RPRD2: variants seen among roughly 807,000 people sequenced by gnomAD.
RPRD2 encodes the protein regulation of nuclear pre-mRNA domain containing 2.
RPRD2 carries 12 observed loss-of-function variants against 104.4 expected under a neutral mutation model. The observed-to-expected ratio is 0.11, with a 90% CI of 0.07 to 0.19. RPRD2 has a LOEUF of 0.19. Ranked by LOEUF, RPRD2 falls within the 10% of genes least tolerant of loss-of-function variation. The pLI, the probability that RPRD2 is intolerant of heterozygous loss-of-function variation, is 1.00. For missense variants in RPRD2, 1,543 were observed against 1,790.1 expected (o/e 0.86, Z 2.49); for synonymous variants, 714 against 684.9 (o/e 1.04, Z -0.66).
intron 1 of RPRD2, among the ~76,000 whole-genome samples, chr1:150,394,254 TAGTC>T (rs1294293159): frequency 2.8e-4 from 42 of 152,216 alleles, no homozygotes; most frequent in African/African-American, 1.0e-3. Context: ...TTCTTCATGT[TAGTC>T]AGGCTGTTCT....
chr1:150,454,272 C>T (rs1321841096), intron 7 of RPRD2, among the ~76,000 whole-genome samples: 1 of 152,158 alleles, frequency 6.6e-6, no homozygotes, highest in Non-Finnish European at 1.5e-5. Context: ...TAGTGGCCCT[C>T]TCTTGTCCTT....
At chr1:150,384,233 C>A (rs1461508511) in intron 1 of RPRD2, among the ~76,000 whole-genome samples, 1 of 151,894 alleles carries the variant, frequency 6.6e-6, no homozygotes, top group Non-Finnish European at 1.5e-5. Context: ...TGGGAAAATC[C>A]TAGTTGCAGA....
intron 2 of RPRD2, among the ~76,000 whole-genome samples, chr1:150,422,292 C>G (rs1020942155): frequency 7.0e-6 from 1 of 143,596 alleles, no homozygotes; most frequent in Admixed American, 7.1e-5. Context: ...TGCAGTGAGC[C>G]GAGATCATGC....
Position 150,390,708 on chromosome 1 carries a change from A to G in RPRD2, c.205+25789A>G, listed in dbSNP as rs1399370602. Among the ~76,000 whole-genome samples the G allele has an allele frequency of 2.6e-5, 4 of 152,202 alleles. No homozygotes were observed. The East Asian group carries it at 7.7e-4, about 29-fold the overall frequency. On this transcript the variant is annotated intron_variant, in intron 1 of 10. Transcript: ENST00000369068. ...CAGATAAGACCATTGGCAAAGGGAGAATTCATGAACTGAAAGATCTGAAGT... is the reference window on the plus strand; with the variant it reads ...CAGATAAGACCATTGGCAAAGGGAGGATTCATGAACTGAAAGATCTGAAGT...
At chr1:150,392,555 A>G (rs1553883375) in intron 1 of RPRD2, among the ~76,000 whole-genome samples, 1 of 152,188 alleles carries the variant, frequency 6.6e-6, no homozygotes, top group Non-Finnish European at 1.5e-5. Flanking sequence ...AAGGGGGAGA[A>G]CAATTTAAAA....
intron 1 of RPRD2, among the ~76,000 whole-genome samples, chr1:150,396,002 C>A (rs587602973): frequency 3.3e-5 from 5 of 152,212 alleles, no homozygotes; most frequent in Admixed American, 6.5e-5. Context: ...ATGCCAACTT[C>A]TATTAATTTT....
chr1:150,444,491 G>C, intron 6 of RPRD2, 114 bp downstream of exon 6: 1 of 1,003,972 alleles, frequency 1.0e-6, no homozygotes, highest in Non-Finnish European at 1.4e-6. Context: ...AGCAGTTGTG[G>C]CACCTCTGGT....
At chr1:150,428,817 A>T (rs1553891023) in intron 2 of RPRD2, among the ~76,000 whole-genome samples, 1 of 152,116 alleles carries the variant, frequency 6.6e-6, no homozygotes, top group African/African-American at 2.4e-5. Context: ...TGACATCTGG[A>T]CACCTCCTCT....
chr1:150,467,888 C>T (rs1332050108), intron 10 of RPRD2, among the ~76,000 whole-genome samples: 2 of 151,266 alleles, frequency 1.3e-5, no homozygotes, highest in Non-Finnish European at 2.9e-5. Context: ...ACTTCAGGCC[C>T]GGTGTGGTGG....
intron 1 of RPRD2, among the ~76,000 whole-genome samples, chr1:150,415,042 A>C (rs966195395): frequency 6.6e-6 from 1 of 152,054 alleles, no homozygotes; most frequent in Non-Finnish European, 1.5e-5. Flanking sequence ...TATAAATAAG[A>C]GGTCGGGTGC....
chr1:150,388,443 C>T (rs587750848), intron 1 of RPRD2, among the ~76,000 whole-genome samples: 1 of 144,952 alleles, frequency 6.9e-6, no homozygotes, highest in Non-Finnish European at 1.5e-5. Context: ...TACATGTATA[C>T]ACACATATAT....
chr1:150,450,922 T>C (rs781892357), intron 7 of RPRD2, among the ~76,000 whole-genome samples: 1 of 152,088 alleles, frequency 6.6e-6, no homozygotes, highest in Non-Finnish European at 1.5e-5. Flanking sequence ...GGTGTAGTTA[T>C]ATAATCAGGA....
At position 150,431,761 on chromosome 1, in the gene RPRD2, G is replaced by A. The variant is rs113371460; in HGVS notation, c.336-9162G>A. Among the ~76,000 whole-genome samples the A allele has an allele frequency of 9.7e-3, 1,468 of 152,100 alleles. 19 individuals carry two copies. The highest frequency in any genetic ancestry group is 0.033 in the African/African-American group (1,387 of 41,474). ...CTCCCAAAGTGCTGGGATTACAGGCGTGAGCCACTGCGCCCGGCCAAAAAG... is the reference window on the plus strand; with the variant it reads ...CTCCCAAAGTGCTGGGATTACAGGCATGAGCCACTGCGCCCGGCCAAAAAG... On this transcript the variant is annotated intron_variant, in intron 2 of 10. Transcript: ENST00000369068.
At chr1:150,365,596 T>G (rs1334552363) in intron 1 of RPRD2, among the ~76,000 whole-genome samples, 1 of 152,002 alleles carries the variant, frequency 6.6e-6, no homozygotes, top group Non-Finnish European at 1.5e-5. Flanking sequence ...GTCCAGTTCC[T>G]CTTTTTTTTT....
chr1:150,464,836 G>T, intron 10 of RPRD2, 109 bp downstream of exon 10: 1 of 549,880 alleles, frequency 1.8e-6, no homozygotes. Context: ...GTATAACACA[G>T]TTAATTCATT....
intron 7 of RPRD2, among the ~76,000 whole-genome samples, chr1:150,455,031 G>A (rs77553465): frequency 0.02 from 2,980 of 152,242 alleles, 85 homozygotes; most frequent in African/African-American, 0.067. Flanking sequence ...GTGGTAAGTC[G>A]TATTGATTGT....
At chr1:150,373,533 C>CTGTTTTTTT (rs1660476520) in intron 1 of RPRD2, among the ~76,000 whole-genome samples, 1 of 97,420 alleles carries the variant, frequency 1.0e-5, no homozygotes, top group Non-Finnish European at 2.0e-5. Flanking sequence ...TCAAGAATGA[C>CTGTTTTTTT]TTTTTTTTTT....
chr1:150,471,054 G>C lies in RPRD2; in HGVS notation c.2106G>C (p.Glu702Asp), dbSNP rs1560230243. Reference sequence around the variant, plus strand: ...GTTTGGGGTCCAGCGCCCCATCAGAGAGCCATCCCTCAGACTTCCAGCGTG... The same window carrying C: ...GTTTGGGGTCCAGCGCCCCATCAGACAGCCATCCCTCAGACTTCCAGCGTG... ...LSSLGSSAPS[E>D]SHPSDFQRGP... The change falls in exon 11 of 11, where the codon GAG becomes GAC. Residue 702 changes from glutamate to aspartate, a missense_variant. Physicochemically the swap from Glu to Asp is conservative, Grantham distance 45. Transcript: ENST00000369068. This position sits in a 1 kb window ranked among gnomAD's most constrained non-coding sequence, Gnocchi z 5.3. 1.2e-6 allele frequency: 2 copies of C among 1,613,840 alleles called. No individual in the cohort carries two copies. Among genetic ancestry groups the C allele is most frequent in the Admixed American group, 1.7e-5 (1 of 60,002 alleles).
At chr1:150,384,019 C>G (rs1419528878) in intron 1 of RPRD2, among the ~76,000 whole-genome samples, 29 of 152,094 alleles carry the variant, frequency 1.9e-4, no homozygotes, top group Admixed American at 1.9e-3. Flanking sequence ...TAGGAACTAC[C>G]AAATTAAAGT....
Sources: allele counts gnomAD v4.1 joint callset (sites outside exome capture counted in the v4.1 genomes callset), GRCh38; gene constraint gnomAD v4.1.1; non-coding constraint Gnocchi (gnomAD v3.1); transcripts MANE v1.5; gene names NCBI Gene and HGNC (gene_info 2026-07-23, HGNC 2026-07-21).